CNTN5: variants seen among roughly 807,000 people sequenced by gnomAD.
CNTN5 encodes the protein contactin-5.
CNTN5 carries 77 observed loss-of-function variants against 129.1 expected under a neutral mutation model. That is an observed-to-expected ratio of 0.60 (90% confidence interval 0.50 to 0.72). The LOEUF is 0.72. Ranked by LOEUF, CNTN5 falls within the 30% of genes least tolerant of loss-of-function variation. The pLI is 0.00. For synonymous variants in CNTN5, 509 were observed against 465.6 expected (o/e 1.09, Z -1.20); for missense variants, 1,478 against 1,328.8 (o/e 1.11, Z -1.75).
intron 9 of CNTN5, among the ~76,000 whole-genome samples, chr11:100,037,809 G>A (rs1376555380): frequency 3.9e-5 from 6 of 151,998 alleles, no homozygotes; most frequent in Non-Finnish European, 2.9e-5. Context: ...GGGATCGGTG[G>A]TGATATCCCC....
At chr11:100,125,921 T>A (rs2138185175) in intron 13 of CNTN5, among the ~76,000 whole-genome samples, 1 of 152,228 alleles carries the variant, frequency 6.6e-6, no homozygotes, top group South Asian at 2.1e-4. Context: ...AGCTTTCTAT[T>A]TTTTGAGGTA....
At chr11:100,355,491 A>G (rs191053449) in intron 24 of CNTN5, among the ~76,000 whole-genome samples, 1 of 151,976 alleles carries the variant, frequency 6.6e-6, no homozygotes, top group Admixed American at 6.6e-5. Context: ...TAGTAAATAC[A>G]TAAGCCAAAT....
chr11:99,252,257 T>G (rs1028339639), intron 1 of CNTN5, among the ~76,000 whole-genome samples: 1 of 151,958 alleles, frequency 6.6e-6, no homozygotes, highest in Non-Finnish European at 1.5e-5. Context: ...ACCTTAACTA[T>G]AGCTTATTTG....
At chr11:99,801,474 C>T (rs538389981) in intron 3 of CNTN5, among the ~76,000 whole-genome samples, 3 of 152,130 alleles carry the variant, frequency 2.0e-5, no homozygotes, top group African/African-American at 4.8e-5. Context: ...TGGATGTCTA[C>T]CTTTCCAAGA....
chr11:99,910,959 C>G (rs1331082091), intron 6 of CNTN5, among the ~76,000 whole-genome samples: 1 of 152,034 alleles, frequency 6.6e-6, no homozygotes, highest in Non-Finnish European at 1.5e-5. Flanking sequence ...GCAAGTGAGG[C>G]AGCAAATACC....
At chr11:99,645,093 G>A (rs1390954753) in intron 3 of CNTN5, among the ~76,000 whole-genome samples, 36 of 95,560 alleles carry the variant, frequency 3.8e-4, no homozygotes, top group Middle Eastern at 7.2e-3. Flanking sequence ...GTGAAACTCC[G>A]TCTCTACTTT....
chr11:100,249,981 T>C (rs992237726), intron 16 of CNTN5, among the ~76,000 whole-genome samples: 15 of 152,184 alleles, frequency 9.9e-5, no homozygotes, highest in Non-Finnish European at 2.2e-4. Context: ...TAAAATTTAA[T>C]GTCTCTTAGA....
chr11:99,495,974 T>C (rs559598433), intron 2 of CNTN5, among the ~76,000 whole-genome samples: 3 of 152,250 alleles, frequency 2.0e-5, no homozygotes, highest in African/African-American at 7.2e-5. Context: ...GAATTATGTA[T>C]TGAAGGAAAG....
In CNTN5 at chr11:99,175,080, A is replaced by G. The variant is rs1241355148; in HGVS notation, c.-209-150266A>G. Among the ~76,000 whole-genome samples the G allele has an allele frequency of 2.6e-5, 4 of 152,102 alleles. No homozygotes were observed. The East Asian group carries it at 7.8e-4, about 30-fold the overall frequency. ...AGACTCTAGTCTCTGCAAGATATGA[A>G]AAAAGAAGCCAGGTATGGTGGCATG... On this transcript the variant is annotated intron_variant, in intron 1 of 24. Transcript: ENST00000524871.
intron 2 of CNTN5, among the ~76,000 whole-genome samples, chr11:99,337,023 A>C (rs532910003): frequency 6.6e-5 from 10 of 152,072 alleles, no homozygotes; most frequent in Non-Finnish European, 1.2e-4. Flanking sequence ...ACACATACAG[A>C]GTATTTCTTC....
At chr11:99,455,588 G>A (rs1398925287) in intron 2 of CNTN5, among the ~76,000 whole-genome samples, 1 of 152,096 alleles carries the variant, frequency 6.6e-6, no homozygotes, top group African/African-American at 2.4e-5. Flanking sequence ...GTGTCACGGA[G>A]TAAAAACTCA....
intron 1 of CNTN5, among the ~76,000 whole-genome samples, chr11:99,192,632 G>A (rs906498699): frequency 2.0e-5 from 3 of 151,354 alleles, no homozygotes; most frequent in Admixed American, 6.6e-5. Context: ...TAAAGAATTA[G>A]TATCTACACC....
intron 3 of CNTN5, among the ~76,000 whole-genome samples, chr11:99,799,415 T>TA (rs1946046447): frequency 6.6e-6 from 1 of 152,024 alleles, no homozygotes; most frequent in African/African-American, 2.4e-5. Flanking sequence ...TATCTTGATG[T>TA]ATGTTCATTC....
At chr11:99,180,969 C>CGTACTGTGATG (rs1858026253) in intron 1 of CNTN5, among the ~76,000 whole-genome samples, 1 of 152,200 alleles carries the variant, frequency 6.6e-6, no homozygotes, top group Admixed American at 6.5e-5. Flanking sequence ...CGCAGCTGAG[C>CGTACTGTGATG]AAATTCATCT....
chr11:99,481,270 A>T (rs1167095450), intron 2 of CNTN5, among the ~76,000 whole-genome samples: 2 of 152,194 alleles, frequency 1.3e-5, no homozygotes, highest in South Asian at 2.1e-4. Context: ...ACAATTATCT[A>T]CATCATATCA....
intron 6 of CNTN5, among the ~76,000 whole-genome samples, chr11:99,904,484 C>A (rs368323805): frequency 6.7e-6 from 1 of 149,608 alleles, no homozygotes; most frequent in Non-Finnish European, 1.5e-5. Flanking sequence ...TCCTTTTTTA[C>A]GGCTGCATAG....
intron 2 of CNTN5, among the ~76,000 whole-genome samples, chr11:99,441,128 T>C (rs190287609): frequency 6.4e-4 from 97 of 152,314 alleles, no homozygotes; most frequent in African/African-American, 2.3e-3. Flanking sequence ...AAATACTTTG[T>C]ATTTGATATT....
chr11:100,062,858 T>C (rs1943538661), intron 10 of CNTN5, among the ~76,000 whole-genome samples: 1 of 152,220 alleles, frequency 6.6e-6, no homozygotes, highest in South Asian at 2.1e-4. Context: ...GACAACGCTC[T>C]CTAGCCATAG....
At chr11:99,723,228 G>GAA (rs75033106) in intron 3 of CNTN5, among the ~76,000 whole-genome samples, 3 of 150,264 alleles carry the variant, frequency 2.0e-5, no homozygotes, top group Non-Finnish European at 4.4e-5. Context: ...TCCACTTTGG[G>GAA]AAAAAAAAAT....
Sources: gnomAD v4.1 joint callset for allele counts (sites outside exome capture counted in the v4.1 genomes callset) on GRCh38, gnomAD v4.1.1 for gene constraint, MANE v1.5 for transcripts, NCBI Gene and HGNC (gene_info 2026-07-23, HGNC 2026-07-21) for gene names.